The following SLC25A13 variants were observed in gnomAD, a reference collection of about 807,000 sequenced individuals.
The protein encoded by SLC25A13 is solute carrier family 25 member 13, also known as electrogenic aspartate/glutamate antiporter SLC25A13, mitochondrial.
SLC25A13 carries 70 observed loss-of-function variants against 85.5 expected under a neutral mutation model. The observed-to-expected ratio is 0.82, with a 90% confidence interval of 0.68 to 1.00. SLC25A13 has a LOEUF of 1.00. Ranked by LOEUF, SLC25A13 falls within the 50% of genes least tolerant of loss-of-function variation. The pLI, the probability that SLC25A13 is intolerant of heterozygous loss-of-function variation, is 0.00. For synonymous variants in SLC25A13, 259 were observed against 288.7 expected, an observed-to-expected ratio of 0.90 and a Z score of 1.04; for missense variants, 765 against 819.8, an observed-to-expected ratio of 0.93 and a Z score of 0.82.
intron 2 of SLC25A13, among the ~76,000 whole-genome samples, chr7:96,294,544 G>A (rs1799270198): frequency 6.6e-6 from 1 of 151,796 alleles, no homozygotes; most frequent in South Asian, 2.1e-4. Flanking sequence ...GGGAGACAGA[G>A]GTTGCAGTGA....
At chr7:96,284,406 C>T (rs1021020635) in intron 2 of SLC25A13, among the ~76,000 whole-genome samples, 2 of 152,170 alleles carry the variant, frequency 1.3e-5, no homozygotes, top group African/African-American at 4.8e-5. Flanking sequence ...TGCCTACAGA[C>T]ATTTTAAAAG....
chr7:96,170,210 C>T (rs1363747805), intron 12 of SLC25A13, 85 bp from the exon 13 acceptor site: 2 of 1,159,112 alleles, frequency 1.7e-6, no homozygotes, highest in Non-Finnish European at 2.6e-6. Context: ...TCAATATATG[C>T]TATTTTTTTC....
At chr7:96,321,899 G>A in intron 1 of SLC25A13, 43 bp downstream of exon 1, 2 of 1,523,284 alleles carry the variant, frequency 1.3e-6, no homozygotes, top group Middle Eastern at 1.7e-4. Context: ...CCCCCAGGCT[G>A]ATCCGGCAGG....
intron 2 of SLC25A13, chr7:96,283,796 T>C (rs1798775594): frequency 7.5e-6 from 1 of 132,578 alleles, no homozygotes; most frequent in Non-Finnish European, 1.5e-5. Context: ...CTATTTCCTA[T>C]GACTTCATGG....
rs1794824669 is a variant in SLC25A13 at position 96,190,989 on chromosome 7, T to C, written c.754+120A>G. The C allele has an allele frequency of 1.1e-5, 13 of 1,193,934 alleles. No individual in the cohort carries two copies. In the South Asian group the frequency reaches 1.6e-4, roughly 15 times the overall value. 74.0% of individuals were successfully genotyped at this position (1,193,934 alleles called of 1,614,324 possible). On this transcript the variant is annotated intron_variant, in intron 7 of 17. Transcript: ENST00000265631. ...ATCAAAGGATGAAAAACACACGTTA[T>C]CATATAGTTAATATGTGTCAATGGG... is the stretch of plus-strand genomic sequence containing the variant.
In SLC25A13 at chr7:96,122,152, C is replaced by T. The variant is rs562748789; in HGVS notation, c.1592-155G>A. On this transcript the variant is annotated intron_variant, in intron 15 of 17. Transcript: ENST00000265631. The stretch of plus-strand genomic sequence containing the variant: ...CTCTATGGGAAATGCAACCATGCCT[C>T]TCCTGTGTGCAAGATGTCTGCTCCT... Among the ~76,000 whole-genome samples, 9 of 152,290 alleles carry T rather than the reference C, an allele frequency of 5.9e-5. No individual in the cohort carries two copies. The South Asian group carries it at 1.5e-3, about 25-fold the overall frequency.
intron 3 of SLC25A13, among the ~76,000 whole-genome samples, chr7:96,238,800 A>G (rs1275041586): frequency 6.6e-6 from 1 of 151,992 alleles, no homozygotes; most frequent in Non-Finnish European, 1.5e-5. Flanking sequence ...GTTGAGGCCG[A>G]AAACAATCAT....
chr7:96,188,353 C>T (rs897139439), intron 9 of SLC25A13, among the ~76,000 whole-genome samples: 15 of 152,140 alleles, frequency 9.9e-5, no homozygotes, highest in African/African-American at 3.1e-4. Flanking sequence ...CAAAACTCAC[C>T]GCTGCATTTG....
chr7:96,132,000 CA>C (rs1792054191), intron 14 of SLC25A13, 119 bp from the exon 15 acceptor site: 1 of 1,278,714 alleles, frequency 7.8e-7, no homozygotes, highest in African/African-American at 1.5e-5. Flanking sequence ...TTTGTACTCA[CA>C]CATTGAAAGG....
chr7:96,290,590 G>C (rs1280191054), intron 2 of SLC25A13, among the ~76,000 whole-genome samples: 1 of 136,230 alleles, frequency 7.3e-6, no homozygotes, highest in Non-Finnish European at 1.5e-5. Context: ...GATCTACCAA[G>C]CAAATGGAAA....
At chr7:96,151,465 C>T (rs965112731) in intron 13 of SLC25A13, among the ~76,000 whole-genome samples, 50 of 151,760 alleles carry the variant, frequency 3.3e-4, no homozygotes, top group African/African-American at 1.1e-3. Context: ...GGCATGGTGA[C>T]GCACACCTGT....
intron 3 of SLC25A13, among the ~76,000 whole-genome samples, chr7:96,255,521 A>T (rs1562880982): frequency 6.6e-6 from 1 of 152,100 alleles, no homozygotes; most frequent in Non-Finnish European, 1.5e-5. Context: ...CCCCATCTTT[A>T]CAAAAAATTT....
rs574675103 is a variant in SLC25A13, at chr7:96,244,202, C to T, written c.213-9285G>A. 3.3e-5 allele frequency among the ~76,000 whole-genome samples: 5 copies of T among 152,200 alleles called. No individual in the cohort carries two copies. In the East Asian group the frequency reaches 9.7e-4, roughly 29 times the overall value. ...AAGCCCAGGAGCTGCTCAGCCCCTC[C>T]CCATCAAGAGGAGGCCCAGTGGCCA... On this transcript the variant is annotated intron_variant, in intron 3 of 17. Transcript: ENST00000265631.
intron 9 of SLC25A13, among the ~76,000 whole-genome samples, chr7:96,187,921 G>A (rs557974510): frequency 5.9e-5 from 9 of 152,280 alleles, no homozygotes; most frequent in African/African-American, 2.2e-4. Context: ...CCTCTAAGCG[G>A]CAGCGAATCA....
rs1210810846 is a variant in SLC25A13, at chr7:96,120,511, A to C, written c.*680T>G. 2.2e-6 allele frequency: 1 copy of C among 447,680 alleles called. No individual in the cohort carries two copies. Among genetic ancestry groups the C allele is most frequent in the East Asian group, 7.0e-5 (1 of 14,388 alleles). The allele number at this position is 447,680 out of a possible 1,614,324, so 27.7% of individuals were successfully genotyped here. On this transcript the variant is annotated 3_prime_UTR_variant, in exon 18 of 18. Transcript: ENST00000265631. ...TTAGCACTTCCAGGAGAGGGGCTAC[A>C]TCTCAGTTTTTTCTGTCTGTACAGT... is the stretch of plus-strand genomic sequence containing the variant.
chr7:96,164,055 A>C (rs963019378), intron 13 of SLC25A13, among the ~76,000 whole-genome samples: 2 of 152,204 alleles, frequency 1.3e-5, no homozygotes, highest in Non-Finnish European at 2.9e-5. Context: ...AGATGGCTGC[A>C]ACATCAATGC....
At chr7:96,228,583 T>TCCTCGG (rs1461717231) in intron 4 of SLC25A13, among the ~76,000 whole-genome samples, 1 of 152,136 alleles carries the variant, frequency 6.6e-6, no homozygotes, top group Admixed American at 6.5e-5. Context: ...TCTAGGCGCC[T>TCCTCGG]CCTCGGCCTC....
intron 13 of SLC25A13, among the ~76,000 whole-genome samples, chr7:96,154,765 G>A (rs532513405): frequency 6.6e-6 from 1 of 151,046 alleles, no homozygotes; most frequent in African/African-American, 2.4e-5. Flanking sequence ...AGAGGATGAC[G>A]AGTAGGCTGG....
At chr7:96,281,926 C>G (rs561388196) in intron 2 of SLC25A13, among the ~76,000 whole-genome samples, 4 of 152,126 alleles carry the variant, frequency 2.6e-5, no homozygotes, top group Admixed American at 2.0e-4. Flanking sequence ...AGAGGCAGAC[C>G]ATAATAAAAA....
Sources: gnomAD v4.1 joint callset for allele counts (sites outside exome capture counted in the v4.1 genomes callset) on GRCh38, gnomAD v4.1.1 for gene constraint, MANE v1.5 for transcripts, NCBI Gene and HGNC (gene_info 2026-07-23, HGNC 2026-07-21) for gene names.